The following RBFOX1 variants were observed in gnomAD, a reference collection of about 807,000 sequenced individuals.
RBFOX1 encodes the protein RNA binding fox-1 homolog 1.
Under a neutral mutation model 57.7 loss-of-function variants are expected in RBFOX1, and 8 were observed. The ratio of observed to expected loss-of-function variants is 0.14; its 90% CI spans 0.08 to 0.25. The LOEUF is 0.25. RBFOX1 is among the 10% of genes least tolerant of loss of function. The pLI, the probability that RBFOX1 is intolerant of heterozygous loss-of-function variation, is 1.00. For missense variants in RBFOX1, 611 were observed against 548.5 expected, an observed-to-expected ratio of 1.11 and a Z score of -1.14; for synonymous variants, 326 against 222.4, an observed-to-expected ratio of 1.47 and a Z score of -4.15.
chr16:7,060,094 T>C (rs1355818561), intron 4 of RBFOX1, among the ~76,000 whole-genome samples: 1 of 152,136 alleles, frequency 6.6e-6, no homozygotes, highest in Non-Finnish European at 1.5e-5. Context: ...CCAGAATTGA[T>C]ACCATAGAGT....
chr16:6,913,731 A>T (rs1479845055), intron 3 of RBFOX1, among the ~76,000 whole-genome samples: 1 of 152,112 alleles, frequency 6.6e-6, no homozygotes, highest in African/African-American at 2.4e-5. Context: ...GTACCCTCCT[A>T]GCCAAGCGTC....
chr16:6,886,488 C>G (rs904325155), intron 3 of RBFOX1, among the ~76,000 whole-genome samples: 2 of 152,018 alleles, frequency 1.3e-5, no homozygotes, highest in African/African-American at 4.8e-5. Flanking sequence ...CGCGGTGGCT[C>G]ACACCTGTAA....
At chr16:6,307,878 A>T (rs763831750) in intron 1 of RBFOX1, among the ~76,000 whole-genome samples, 7 of 142,888 alleles carry the variant, frequency 4.9e-5, no homozygotes, top group Non-Finnish European at 1.1e-4. Context: ...ATGATAATTT[A>T]TATTATTTAT....
intron 4 of RBFOX1, among the ~76,000 whole-genome samples, chr16:7,193,787 C>T (rs1427538460): frequency 6.6e-6 from 1 of 152,178 alleles, no homozygotes; most frequent in East Asian, 1.9e-4. Flanking sequence ...GACTCTAGCA[C>T]AACAGGTCCT....
rs116713462 is a variant in RBFOX1 at position 6,614,250 on chromosome 16, A to T, written c.-63-40353A>T. Among the ~76,000 whole-genome samples, 1,161 of 152,282 alleles carry T rather than the reference A, an allele frequency of 7.6e-3. 10 individuals are homozygous for T. The highest frequency in any genetic ancestry group is 0.026 in the African/African-American group (1,060 of 41,558). On this transcript the variant is annotated intron_variant, in intron 2 of 15. Coordinates refer to ENST00000550418, the MANE Select transcript of RBFOX1 (RefSeq NM_018723.4). ...CCTGCTGCAAGTAAGGATGTCTGAA[A>T]TGGACAATAATAAACTAAAGATAGA... is the stretch of plus-strand genomic sequence containing the variant.
At chr16:6,400,071 A>T (rs1045915526) in intron 2 of RBFOX1, among the ~76,000 whole-genome samples, 1 of 152,204 alleles carries the variant, frequency 6.6e-6, no homozygotes, top group Admixed American at 6.5e-5. Flanking sequence ...CAGCCAAATC[A>T]TATCAGGTGA....
At chr16:6,668,431 A>T (rs1298951287) in intron 3 of RBFOX1, among the ~76,000 whole-genome samples, 1 of 152,198 alleles carries the variant, frequency 6.6e-6, no homozygotes, top group African/African-American at 2.4e-5. Context: ...CAGCCCAAAG[A>T]TGCTTCTGTT....
intron 3 of RBFOX1, among the ~76,000 whole-genome samples, chr16:5,752,072 T>C (rs1434258938): frequency 6.6e-6 from 1 of 152,164 alleles, no homozygotes; most frequent in Non-Finnish European, 1.5e-5. Context: ...GCATATACCA[T>C]GCAATACTAT....
At position 5,900,140 on chromosome 16, in the gene RBFOX1, CTTTG is replaced by C. The variant is rs542237585; in HGVS notation, c.351+32810_351+32813del. Among the ~76,000 whole-genome samples, 23 of 152,270 alleles carry C rather than the reference CTTTG, an allele frequency of 1.5e-4. No homozygotes were observed. In the South Asian group the frequency reaches 4.6e-3, roughly 30 times the overall value. ...AACGTTGTCTATGCTTATATTGTAC[CTTTG>C]TTTGGGCAGTTTATTGACTAATATC... On this transcript the variant is annotated intron_variant, in intron 4 of 19. Transcript: ENST00000641259.
chr16:7,406,633 A>T (rs978674861), intron 4 of RBFOX1, among the ~76,000 whole-genome samples: 30 of 152,202 alleles, frequency 2.0e-4, no homozygotes, highest in Non-Finnish European at 3.4e-4. Flanking sequence ...CTGCCTTCCA[A>T]AGTGACCACG....
intron 3 of RBFOX1, among the ~76,000 whole-genome samples, chr16:6,792,650 G>T (rs1158448870): frequency 6.6e-6 from 1 of 152,056 alleles, no homozygotes; most frequent in East Asian, 1.9e-4. Context: ...GTAACTTGAT[G>T]TCATGTCTTT....
At chr16:6,995,047 T>C (rs1390752855) in intron 3 of RBFOX1, among the ~76,000 whole-genome samples, 1 of 151,830 alleles carries the variant, frequency 6.6e-6, no homozygotes, top group Non-Finnish European at 1.5e-5. Flanking sequence ...TTAGGCTGGC[T>C]AATTATTGTG....
rs370125866 is a variant in RBFOX1 at position 5,829,205 on chromosome 16, A to G, written c.319-38098A>G. On this transcript the variant is annotated intron_variant, in intron 3 of 19. Coordinates refer to the RBFOX1 transcript ENST00000641259. ...CTGCCACACTGTGGTTTAAAGGGTG[A>G]TGAGGAGAGAAAGGCAGGGACCGTC... Among the ~76,000 whole-genome samples the G allele has an allele frequency of 3.3e-5, 5 of 152,276 alleles. 1 individual carries two copies. The East Asian group carries it at 7.7e-4, about 24-fold the overall frequency.
At chr16:5,462,595 T>G (rs2068826404) in intron 1 of RBFOX1, among the ~76,000 whole-genome samples, 1 of 152,204 alleles carries the variant, frequency 6.6e-6, no homozygotes, top group Non-Finnish European at 1.5e-5. Flanking sequence ...AGTTTTGAAC[T>G]ACCAAATTCC....
chr16:7,506,915 A>C (rs1457219141), intron 4 of RBFOX1, among the ~76,000 whole-genome samples: 2 of 152,202 alleles, frequency 1.3e-5, no homozygotes, highest in African/African-American at 4.8e-5. Flanking sequence ...GACTGGAAGG[A>C]GGATCAGTTT....
In RBFOX1 at chr16:7,026,015, C is replaced by G. The variant is rs114372516; in HGVS notation, c.-15-26042C>G. Reference sequence around the variant, plus strand: ...TGGTCATACTGGGTTTGGGATCAGACCCCAGACCAAGAAGGAACAAAGGGA... The same window carrying G: ...TGGTCATACTGGGTTTGGGATCAGAGCCCAGACCAAGAAGGAACAAAGGGA... On this transcript the variant is annotated intron_variant, in intron 3 of 15. Transcript: ENST00000550418. Among the ~76,000 whole-genome samples the G allele has an allele frequency of 6.1e-3, 925 of 152,110 alleles. 12 individuals carry two copies. Among genetic ancestry groups the G allele is most frequent in the African/African-American group, 0.021 (885 of 41,416 alleles).
intron 3 of RBFOX1, among the ~76,000 whole-genome samples, chr16:5,616,444 G>C (rs73527619): frequency 6.6e-6 from 1 of 152,090 alleles, no homozygotes; most frequent in Non-Finnish European, 1.5e-5. Context: ...GCTTGTTAGA[G>C]CAGGAGGTTC....
chr16:6,332,004 A>G (rs2083095832), intron 2 of RBFOX1, among the ~76,000 whole-genome samples: 1 of 152,194 alleles, frequency 6.6e-6, no homozygotes, highest in Non-Finnish European at 1.5e-5. Flanking sequence ...CTGAAAAGAA[A>G]CAAGCGATGC....
chr16:5,487,405 G>C (rs978736018), intron 2 of RBFOX1, among the ~76,000 whole-genome samples: 2 of 152,216 alleles, frequency 1.3e-5, no homozygotes, highest in Non-Finnish European at 2.9e-5. Flanking sequence ...TGATGTGAGA[G>C]TTTCAGATCT....
Sources: gnomAD v4.1 joint callset for allele counts (sites outside exome capture counted in the v4.1 genomes callset) on GRCh38, gnomAD v4.1.1 for gene constraint, MANE v1.5 for transcripts, NCBI Gene and HGNC (gene_info 2026-07-23, HGNC 2026-07-21) for gene names.